PSMG2: variants seen among roughly 807,000 people sequenced by gnomAD.
The protein encoded by PSMG2 is CD40 ligand-activated specific transcript 3.
PSMG2 carries 21 observed loss-of-function variants against 31.5 expected under a neutral mutation model. That is an observed-to-expected ratio of 0.67 (90% CI 0.47 to 0.96). PSMG2 has a LOEUF of 0.96. Among genes scored for constraint, PSMG2 ranks in the 40% least tolerant of loss-of-function variants. The pLI is 0.00. For missense variants in PSMG2, 318 were observed against 321.2 expected (o/e 0.99, Z 0.08); for synonymous variants, 120 against 110.4 (o/e 1.09, Z -0.54).
intron 3 of PSMG2, among the ~76,000 whole-genome samples, chr18:12,713,369 A>G (rs774926223): frequency 4.6e-5 from 7 of 152,144 alleles, no homozygotes; most frequent in African/African-American, 7.2e-5. Context: ...AAGGCTTTAT[A>G]TTGCAAATTG....
chr18:12,705,714 C>T (rs1321907816), intron 1 of PSMG2, among the ~76,000 whole-genome samples: 1 of 152,092 alleles, frequency 6.6e-6, no homozygotes, highest in Admixed American at 6.6e-5. Flanking sequence ...AGCCTTTACA[C>T]TTGCTTTCCC....
chr18:12,700,869 G>A (rs528716113), upstream of PSMG2: 358 of 1,071,868 alleles, frequency 3.3e-4, 1 homozygote, highest in African/African-American at 5.2e-3. Context: ...TTACTAAAAC[G>A]AAAGGCCCCA....
In PSMG2 at chr18:12,725,517, C is replaced by G; in HGVS notation, c.781C>G (p.Pro261Ala). The part of the protein sequence containing the change: ...WRLLFGSGLP[P>A]ALF ...ATTACTCTTTGGCAGTGGTCTTCCC[C>G]CTGCACTTTTCTGATCTAATTTCTG... Residue 261 changes from proline (P) to alanine (A), a missense_variant, in exon 7 of 7, where the codon CCT becomes GCT. Pro to Ala is a conservative substitution (Grantham distance 27). Coordinates refer to ENST00000317615, the MANE Select transcript of PSMG2 (RefSeq NM_020232.5). The G allele has an allele frequency of 6.3e-7, 1 of 1,593,660 alleles. No homozygotes were observed. The highest frequency in any genetic ancestry group is 8.6e-7 in the Non-Finnish European group (1 of 1,162,202).
intron 1 of PSMG2, among the ~76,000 whole-genome samples, chr18:12,666,029 C>G (rs549609118): frequency 6.6e-6 from 1 of 151,704 alleles, no homozygotes; most frequent in South Asian, 2.1e-4. Flanking sequence ...AAAATTGTTC[C>G]TTTGTGGCTG....
chr18:12,689,875 C>T (rs760260115), intron 1 of PSMG2, among the ~76,000 whole-genome samples: 3 of 152,146 alleles, frequency 2.0e-5, no homozygotes, highest in Non-Finnish European at 4.4e-5. Context: ...CTGCAACCTC[C>T]GCCTCCCGGG....
At chr18:12,661,288 A>C in intron 1 of PSMG2, 1 of 770,426 alleles carries the variant, frequency 1.3e-6, no homozygotes, top group Non-Finnish European at 1.6e-6. Context: ...AGCCTGGGTG[A>C]CAAGAGTGAG....
intron 2 of PSMG2, among the ~76,000 whole-genome samples, chr18:12,707,451 C>G (rs991155922): frequency 1.3e-5 from 2 of 152,050 alleles, no homozygotes; most frequent in African/African-American, 2.4e-5. Context: ...TAAGTCTTAT[C>G]CTCGTAGTCA....
intron 1 of PSMG2, among the ~76,000 whole-genome samples, chr18:12,659,840 A>C (rs1313521859): frequency 6.6e-6 from 1 of 151,948 alleles, no homozygotes; most frequent in Non-Finnish European, 1.5e-5. Flanking sequence ...CCAGAGAGGC[A>C]AACATGTAAT....
chr18:12,693,439 T>TA (rs1017038207), intron 1 of PSMG2, among the ~76,000 whole-genome samples: 6 of 150,942 alleles, frequency 4.0e-5, no homozygotes, highest in Admixed American at 1.3e-4. Flanking sequence ...AAAATTTAAT[T>TA]AAAAAAAACA....
At chr18:12,704,465 C>T (rs951586920) in intron 1 of PSMG2, among the ~76,000 whole-genome samples, 1 of 152,020 alleles carries the variant, frequency 6.6e-6, no homozygotes, top group African/African-American at 2.4e-5. Flanking sequence ...TTTCCTGCAC[C>T]TGTATCTCAG....
intron 1 of PSMG2, among the ~76,000 whole-genome samples, chr18:12,665,895 C>T (rs2038792120): frequency 6.6e-6 from 1 of 152,174 alleles, no homozygotes; most frequent in South Asian, 2.1e-4. Context: ...CAGGGTTTCA[C>T]CATGTTGGCC....
At chr18:12,705,570 A>AGTGTGTGTGTGTGTGTGT (rs1361528977) in intron 1 of PSMG2, among the ~76,000 whole-genome samples, 23 of 126,326 alleles carry the variant, frequency 1.8e-4, no homozygotes, top group Non-Finnish European at 2.8e-4. Flanking sequence ...AGAGAGAGAG[A>AGTGTGTGTGTGTGTGTGT]GAGAGAGTGT....
At chr18:12,664,239 C>G (rs1598602595) in intron 1 of PSMG2, among the ~76,000 whole-genome samples, 1 of 152,216 alleles carries the variant, frequency 6.6e-6, no homozygotes, top group Admixed American at 6.6e-5. Context: ...CCACACCCCG[C>G]TAATTTTTTA....
chr18:12,686,350 A>T lies in PSMG2; in HGVS notation c.-36-20200A>T, dbSNP rs1373470777. On this transcript the variant is annotated intron_variant, in intron 1 of 6. Coordinates refer to the PSMG2 transcript ENST00000585331. ...AACAGGGGCTCGTTCATAACCAAGG[A>T]CATTAACAAATCTTGCTGCTTGCCT... The T allele has an allele frequency of 4.3e-6, 7 of 1,613,984 alleles. No homozygotes were observed. The Admixed American group carries it at 8.3e-5, about 19-fold the overall frequency.
chr18:12,668,597 C>CAAAAAAAAAAAAAAAAAAAA (rs752216074), intron 1 of PSMG2, among the ~76,000 whole-genome samples: 4 of 72,836 alleles, frequency 5.5e-5, no homozygotes, highest in Admixed American at 2.3e-4. Flanking sequence ...GATTCCATCT[C>CAAAAAAAAAAAAAAAAAAAA]AAAAAAAAAA....
At chr18:12,672,507 A>G (rs1159567016) in intron 1 of PSMG2, 1 of 219,080 alleles carries the variant, frequency 4.6e-6, no homozygotes, top group Non-Finnish European at 7.7e-6. Context: ...CACACAATCA[A>G]TCTCTTATTT....
At chr18:12,662,191 G>GAA (rs5823232) in intron 1 of PSMG2, 4,890 of 383,834 alleles carry the variant, frequency 0.013, no homozygotes, top group Non-Finnish European at 0.017. Context: ...CACCAGAAAG[G>GAA]AAAAAAAAAA....
chr18:12,671,669 GAC>G (rs2038950718), intron 1 of PSMG2, among the ~76,000 whole-genome samples: 1 of 96,980 alleles, frequency 1.0e-5, no homozygotes, highest in African/African-American at 4.2e-5. Context: ...TTTTTTTTGA[GAC>G]AGAGTCTTGC....
intron 1 of PSMG2, chr18:12,662,128 C>T: frequency 2.2e-6 from 1 of 449,380 alleles, no homozygotes; most frequent in Non-Finnish European, 4.4e-6. Context: ...CCAAGCTTTT[C>T]CCAGACACTT....
Sources: gnomAD v4.1 joint callset for allele counts (sites outside exome capture counted in the v4.1 genomes callset) on GRCh38, gnomAD v4.1.1 for gene constraint, MANE v1.5 for transcripts, NCBI Gene and HGNC (gene_info 2026-07-23, HGNC 2026-07-21) for gene names.